ZNF385D: variants seen among roughly 807,000 people sequenced by gnomAD.
ZNF385D encodes zinc finger protein 659.
A neutral mutation model predicts 35.8 loss-of-function variants in ZNF385D; 15 were observed. That is an observed-to-expected ratio of 0.42 (90% CI 0.28 to 0.64). ZNF385D has a LOEUF of 0.64. Ranked by LOEUF, ZNF385D falls within the 30% of genes least tolerant of loss-of-function variation. The pLI, the probability that ZNF385D is intolerant of heterozygous loss-of-function variation, is 0.23. For synonymous variants in ZNF385D, 212 were observed against 186.8 expected (o/e 1.13, Z -1.10); for missense variants, 474 against 494.6 (o/e 0.96, Z 0.39).
At chr3:21,446,917 TA>T (rs1267831802) in intron 4 of ZNF385D, among the ~76,000 whole-genome samples, 1 of 152,164 alleles carries the variant, frequency 6.6e-6, no homozygotes, top group Non-Finnish European at 1.5e-5. Flanking sequence ...ATTGATCAGT[TA>T]AACCAGGGTT....
intron 3 of ZNF385D, among the ~76,000 whole-genome samples, chr3:22,070,333 T>C (rs1052608057): frequency 2.6e-5 from 4 of 152,140 alleles, no homozygotes; most frequent in Non-Finnish European, 5.9e-5. Context: ...AGGAAAGCAA[T>C]ATATACTACA....
chr3:21,910,610 C>G (rs140703863), intron 3 of ZNF385D, among the ~76,000 whole-genome samples: 1 of 151,690 alleles, frequency 6.6e-6, no homozygotes, highest in Non-Finnish European at 1.5e-5. Context: ...ATTCAGAGAC[C>G]TATAATCGTT....
intron 3 of ZNF385D, among the ~76,000 whole-genome samples, chr3:21,792,149 T>C (rs1041777213): frequency 6.6e-6 from 1 of 152,216 alleles, no homozygotes; most frequent in Admixed American, 6.5e-5. Flanking sequence ...TTTGAGCAAT[T>C]AGTTTTTCTG....
At chr3:22,114,424 A>G (rs1026874733) in intron 3 of ZNF385D, among the ~76,000 whole-genome samples, 1 of 152,142 alleles carries the variant, frequency 6.6e-6, no homozygotes, top group Non-Finnish European at 1.5e-5. Flanking sequence ...GTATCTTGGT[A>G]CATATCATGT....
At chr3:21,636,364 TTATATATATATGATTA>T (rs1377867209) in intron 2 of ZNF385D, among the ~76,000 whole-genome samples, 8 of 113,892 alleles carry the variant, frequency 7.0e-5, no homozygotes, top group Admixed American at 2.1e-4. Flanking sequence ...TTATATATGA[TTATATATATATGATTA>T]TATATATATA....
At chr3:22,294,434 A>C (rs1176145347) in intron 2 of ZNF385D, among the ~76,000 whole-genome samples, 1 of 152,150 alleles carries the variant, frequency 6.6e-6, no homozygotes, top group African/African-American at 2.4e-5. Context: ...ATGTTATAAT[A>C]GATGTGGGTC....
rs114934126 is a variant in ZNF385D at position 21,989,853 on chromosome 3, G to T, written c.325+178964C>A. On this transcript the variant is annotated intron_variant, in intron 3 of 5. Transcript: ENST00000494108. Reference sequence around the variant, plus strand: ...GCTGTGCCACTTTCACATGTCTGTTGATGGTATATGTCAAGCCGTTGAGTG... The same window carrying T: ...GCTGTGCCACTTTCACATGTCTGTTTATGGTATATGTCAAGCCGTTGAGTG... Among the ~76,000 whole-genome samples, 346 of 152,260 alleles carry T rather than the reference G, an allele frequency of 2.3e-3. 1 individual carries two copies. The highest frequency in any genetic ancestry group is 8.0e-3 in the African/African-American group (334 of 41,530).
At chr3:22,363,909 T>C (rs934832765) in intron 2 of ZNF385D, among the ~76,000 whole-genome samples, 3 of 152,112 alleles carry the variant, frequency 2.0e-5, no homozygotes, top group Admixed American at 6.6e-5. Context: ...CCCCAAAGCA[T>C]GAAGCAGGAC....
At chr3:22,169,290 A>T (rs1038659358) in intron 2 of ZNF385D, among the ~76,000 whole-genome samples, 2 of 152,204 alleles carry the variant, frequency 1.3e-5, no homozygotes, top group South Asian at 2.1e-4. Context: ...TTTAATTATC[A>T]TAACAATGTA....
intron 2 of ZNF385D, among the ~76,000 whole-genome samples, chr3:22,321,073 G>T (rs1024284552): frequency 5.4e-5 from 8 of 148,406 alleles, no homozygotes; most frequent in Non-Finnish European, 1.2e-4. Context: ...TTCAGAAACT[G>T]TACTGTCATT....
intron 2 of ZNF385D, among the ~76,000 whole-genome samples, chr3:22,200,964 T>A (rs919369845): frequency 2.0e-5 from 3 of 152,150 alleles, no homozygotes; most frequent in Non-Finnish European, 4.4e-5. Context: ...AGATTTCATA[T>A]TGTTCAAACA....
At chr3:22,206,852 C>T (rs1035631735) in intron 2 of ZNF385D, among the ~76,000 whole-genome samples, 1 of 151,486 alleles carries the variant, frequency 6.6e-6, no homozygotes. Flanking sequence ...TGATAATGCA[C>T]CTTAAAGTAC....
chr3:22,191,681 C>G (rs912390593), intron 2 of ZNF385D, among the ~76,000 whole-genome samples: 4 of 151,994 alleles, frequency 2.6e-5, no homozygotes, highest in African/African-American at 9.7e-5. Context: ...TTAAGAGACA[C>G]TAACACAATG....
At chr3:21,993,143 A>G (rs1695244105) in intron 3 of ZNF385D, among the ~76,000 whole-genome samples, 1 of 152,214 alleles carries the variant, frequency 6.6e-6, no homozygotes, top group Admixed American at 6.5e-5. Flanking sequence ...GTACTTAGGG[A>G]AAAGATATCA....
At chr3:21,951,569 CAGAACTTCCAATACTACGT>C (rs1396955762) in intron 3 of ZNF385D, among the ~76,000 whole-genome samples, 5 of 151,562 alleles carry the variant, frequency 3.3e-5, no homozygotes. Flanking sequence ...TTGCCCCGGC[CAGAACTTCCAATACTACGT>C]TGAATAAGAC....
intron 1 of ZNF385D, among the ~76,000 whole-genome samples, chr3:21,727,419 A>G (rs1223792476): frequency 6.6e-6 from 1 of 152,220 alleles, no homozygotes; most frequent in Non-Finnish European, 1.5e-5. Context: ...TTTGTAATCT[A>G]TCCATCTGAC....
chr3:21,839,574 T>C (rs1445928867), intron 3 of ZNF385D, among the ~76,000 whole-genome samples: 1 of 152,126 alleles, frequency 6.6e-6, no homozygotes, highest in Non-Finnish European at 1.5e-5. Flanking sequence ...TTTTCTATGA[T>C]AACTAAGAGG....
intron 4 of ZNF385D, among the ~76,000 whole-genome samples, chr3:21,491,597 T>A (rs780685254): frequency 1.5e-4 from 23 of 152,172 alleles, no homozygotes; most frequent in Non-Finnish European, 2.5e-4. Flanking sequence ...TTTGGAGGTA[T>A]CTAAATTAGA....
chr3:21,458,271 G>C (rs746308757), intron 4 of ZNF385D, among the ~76,000 whole-genome samples: 1 of 150,372 alleles, frequency 6.7e-6, no homozygotes, highest in African/African-American at 2.5e-5. Context: ...CCAAGAGTTC[G>C]AGACCAGCCT....
Sources: gnomAD v4.1 joint callset for allele counts (sites outside exome capture counted in the v4.1 genomes callset) on GRCh38, gnomAD v4.1.1 for gene constraint, MANE v1.5 for transcripts, NCBI Gene and HGNC (gene_info 2026-07-23, HGNC 2026-07-21) for gene names.